The following RGMB variants were observed in gnomAD, a reference collection of about 807,000 sequenced individuals.
RGMB encodes the protein repulsive guidance molecule BMP co-receptor b.
RGMB carries 16 observed loss-of-function variants against 26.9 expected under a neutral mutation model. The ratio of observed to expected loss-of-function variants is 0.60; its 90% CI spans 0.40 to 0.90. RGMB has a LOEUF of 0.90. RGMB is among the 40% of genes least tolerant of loss of function. RGMB has a pLI of 0.00. For missense variants in RGMB, 512 were observed against 573.3 expected (o/e 0.89, Z 1.09); for synonymous variants, 225 against 229.3 (o/e 0.98, Z 0.17).
At chr5:98,782,996 G>A (rs936650606) in intron 2 of RGMB, among the ~76,000 whole-genome samples, 1 of 152,194 alleles carries the variant, frequency 6.6e-6, no homozygotes, top group Non-Finnish European at 1.5e-5. Flanking sequence ...CATGCCTGCG[G>A]TGCTTAATGA....
At chr5:98,773,084 G>C (rs796326487), upstream of RGMB, 23 of 152,306 alleles carry the variant, frequency 1.5e-4, no homozygotes, top group African/African-American at 5.1e-4. Flanking sequence ...CCCCGAGCTT[G>C]CTTTACCAGA....
At chr5:98,778,607 C>T (rs1384821755) in intron 1 of RGMB, among the ~76,000 whole-genome samples, 3 of 152,090 alleles carry the variant, frequency 2.0e-5, no homozygotes, top group African/African-American at 4.8e-5. Flanking sequence ...CTGTTGTTTC[C>T]ATTTTATGGA....
upstream of RGMB, chr5:98,769,199 C>A (rs539345477): frequency 2.0e-5 from 3 of 151,204 alleles, no homozygotes; most frequent in African/African-American, 7.3e-5. Context: ...CGCCCCCAGC[C>A]GTCCGCAGTG....
chr5:98,790,855 A>G (rs186325568), intron 2 of RGMB, among the ~76,000 whole-genome samples: 187 of 152,362 alleles, frequency 1.2e-3, no homozygotes, highest in African/African-American at 4.3e-3. Flanking sequence ...TTACAGGTGA[A>G]AATGAGCATA....
rs2662263 is a variant in RGMB, at chr5:98,774,134, A to C, written c.64A>C (p.Ser22Arg). ...CGCCGCCGAGGTTGAGCAGCGCCGC[A>C]GCCCCGGGCTCTGCCCCCCGCCGCT... Reference protein sequence around the residue: ...AAAAEVEQRRSPGLCPPPLEL... With the variant: ...AAAAEVEQRRRPGLCPPPLEL... The change falls in exon 1 of 3, where the codon AGC becomes CGC. Residue 22 changes from serine (S) to arginine (R), a missense_variant. Coordinates refer to ENST00000513185, the MANE Select transcript of RGMB (RefSeq NM_001366508.1). 1,444,848 of 1,470,304 alleles carry C rather than the reference A, an allele frequency of 0.98. 709,965 individuals are homozygous for C. The highest frequency in any genetic ancestry group is 1 in the East Asian group (36,408 of 36,416). The allele number at this position is 1,470,304 out of a possible 1,614,324, so 91.1% of individuals were successfully genotyped here.
In RGMB at chr5:98,785,408, G is replaced by T. The variant is rs561863565; in HGVS notation, c.645+5320G>T. On this transcript the variant is annotated intron_variant, in intron 2 of 2. Coordinates refer to ENST00000513185, the MANE Select transcript of RGMB (RefSeq NM_001366508.1). ...TTGATGTTATTCATTTAGCAAGTTG[G>T]CAGGGGTGTCAAGAAGAGCCAGAAG... Among the ~76,000 whole-genome samples the T allele has an allele frequency of 1.4e-3, 210 of 152,166 alleles. 10 individuals are homozygous for T. The South Asian group carries it at 0.042, about 31-fold the overall frequency.
chr5:98,769,138 G>C (rs1309923755), upstream of RGMB, among the ~76,000 whole-genome samples: 1 of 152,138 alleles, frequency 6.6e-6, no homozygotes, highest in Non-Finnish European at 1.5e-5. Flanking sequence ...GGCGAAGAGA[G>C]AACTGATCCA....
Position 98,794,546 on chromosome 5 carries a change from G to A in RGMB, c.*793G>A, listed in dbSNP as rs1747054934. The A allele has an allele frequency of 6.6e-6, 1 of 152,132 alleles. No homozygotes were observed. The highest frequency in any genetic ancestry group is 2.4e-5 in the African/African-American group (1 of 41,418). The allele number at this position is 152,132 out of a possible 1,614,324, so 9.4% of individuals were successfully genotyped here. A position where few individuals can be genotyped will look rare whatever the true frequency, so the allele number is the denominator to read the frequency against. On this transcript the variant is annotated 3_prime_UTR_variant, in exon 3 of 3. Transcript: ENST00000513185. ...ACTCCTAGACTTTTTCTCATCCCATGCCCCGTTTTAAATTGTCAGTTTTCC... is the reference window on the plus strand; with the variant it reads ...ACTCCTAGACTTTTTCTCATCCCATACCCCGTTTTAAATTGTCAGTTTTCC...
chr5:98,773,543 C>A (rs535298258), upstream of RGMB: 4 of 178,974 alleles, frequency 2.2e-5, no homozygotes, highest in African/African-American at 4.7e-5. Flanking sequence ...CGTGCGGTCA[C>A]AACCAATGGG....
chr5:98,768,780 G>A (rs1256420597), upstream of RGMB: 1 of 152,200 alleles, frequency 6.6e-6, no homozygotes, highest in East Asian at 1.9e-4. Context: ...TTATTTCGGC[G>A]AAAGTCCAGC....
chr5:98,785,717 T>G (rs572739947), intron 2 of RGMB, among the ~76,000 whole-genome samples: 1 of 152,362 alleles, frequency 6.6e-6, no homozygotes, highest in South Asian at 2.1e-4. Flanking sequence ...CATCTCATCT[T>G]TAAAATTCTC....
chr5:98,782,003 T>G (rs331551), intron 2 of RGMB, among the ~76,000 whole-genome samples: 61,161 of 152,128 alleles, frequency 0.4, 15,378 homozygotes, highest in East Asian at 0.68. Flanking sequence ...TCAAAAAAAG[T>G]TGGAGAAAGT....
chr5:98,792,247 T>TG (rs1746952383), intron 2 of RGMB, among the ~76,000 whole-genome samples: 1 of 152,200 alleles, frequency 6.6e-6, no homozygotes, highest in Non-Finnish European at 1.5e-5. Context: ...TTTGTAGTGG[T>TG]GAGTCATGGG....
Position 98,795,623 on chromosome 5 carries a change from T to G in RGMB, c.*1870T>G, listed in dbSNP as rs924493495. 10 of 152,196 alleles carry G rather than the reference T, an allele frequency of 6.6e-5. No homozygotes were observed. The highest frequency in any genetic ancestry group is 2.1e-4 in the South Asian group (1 of 4,824). The allele number at this position is 152,196 out of a possible 1,614,324, so 9.4% of individuals were successfully genotyped here. ...AGAGAGTTGAAACCTAAACCCGCCT[T>G]CCTTTTATAGAAGCTGGACTAGAGA... On this transcript the variant is annotated 3_prime_UTR_variant, in exon 3 of 3. Transcript: ENST00000513185.
chr5:98,784,544 G>GC (rs1174083958), intron 2 of RGMB, among the ~76,000 whole-genome samples: 1 of 152,208 alleles, frequency 6.6e-6, no homozygotes, highest in Non-Finnish European at 1.5e-5. Flanking sequence ...TTCTACAACA[G>GC]CATGTGGGCA....
Position 98,779,700 on chromosome 5 carries a change from G to A in RGMB, c.257G>A (p.Arg86His), listed in dbSNP as rs374109707. The A allele has an allele frequency of 7.5e-6, 12 of 1,607,562 alleles. No individual in the cohort carries two copies. The highest frequency in any genetic ancestry group is 1.3e-5 in the African/African-American group (1 of 74,838). Reference protein sequence around the residue: ...GFDSEFCKALRAYAGCTQRTS... With the variant: ...GFDSEFCKALHAYAGCTQRTS... Reference sequence around the variant, plus strand: ...GACTCTGAGTTTTGCAAGGCCTTGCGTGCCTATGCTGGCTGCACCCAGCGA... The same window carrying A: ...GACTCTGAGTTTTGCAAGGCCTTGCATGCCTATGCTGGCTGCACCCAGCGA... Residue 86 changes from arginine to histidine, a missense_variant, in exon 2 of 3, where the codon CGT (arginine) becomes CAT (histidine). Transcript: ENST00000513185.
At chr5:98,770,874 C>T (rs1450701441), upstream of RGMB, 1 of 405,264 alleles carries the variant, frequency 2.5e-6, no homozygotes, top group Non-Finnish European at 4.3e-6. Flanking sequence ...CTATTTCAGC[C>T]GCTGCTTTGG....
intron 1 of RGMB, among the ~76,000 whole-genome samples, chr5:98,776,025 C>G (rs1002090052): frequency 6.6e-6 from 1 of 152,228 alleles, no homozygotes; most frequent in Non-Finnish European, 1.5e-5. Context: ...TCATCTGCCT[C>G]AGCACCCCAT....
At position 98,779,786 on chromosome 5, in the gene RGMB, C is replaced by G. The variant is rs1331408773; in HGVS notation, c.343C>G (p.Leu115Val). 6.2e-7 allele frequency: 1 copy of G among 1,614,032 alleles called. No individual in the cohort carries two copies. Among genetic ancestry groups the G allele is most frequent in the Admixed American group, 1.7e-5 (1 of 60,030 alleles). ...YHSAVLGISD[L>V]MSQRNCSKDG... is the part of the protein sequence containing the mutation. ...TTCTGCCGTGTTGGGTATCAGTGAC[C>G]TCATGAGCCAGAGGAATTGTTCCAA... Residue 115 changes from leucine to valine, a missense_variant, in exon 2 of 3, where the codon CTC becomes GTC. Leu to Val is a conservative substitution (Grantham distance 32, BLOSUM62 1). Coordinates refer to ENST00000513185, the MANE Select transcript of RGMB (RefSeq NM_001366508.1).
Sources: allele counts gnomAD v4.1 joint callset (sites outside exome capture counted in the v4.1 genomes callset), GRCh38; gene constraint gnomAD v4.1.1; transcripts MANE v1.5; gene names NCBI Gene and HGNC (gene_info 2026-07-23, HGNC 2026-07-21).